CBFA2T3: variants seen among roughly 807,000 people sequenced by gnomAD.
CBFA2T3 encodes the protein transcriptional corepressor CBFA2T3.
Under a neutral mutation model 58.6 loss-of-function variants are expected in CBFA2T3, and 31 were observed. The observed-to-expected ratio is 0.53, with a 90% confidence interval of 0.40 to 0.71. The LOEUF (loss-of-function observed/expected upper bound fraction) is 0.71. CBFA2T3 is among the 30% of genes least tolerant of loss of function. CBFA2T3 has a pLI of 0.00. For synonymous variants in CBFA2T3, 531 were observed against 421.9 expected, an observed-to-expected ratio of 1.26 and a Z score of -3.17; for missense variants, 1,076 against 963.1, an observed-to-expected ratio of 1.12 and a Z score of -1.55.
At chr16:88,965,708 C>T (rs1400455997) in intron 1 of CBFA2T3, among the ~76,000 whole-genome samples, 1 of 152,206 alleles carries the variant, frequency 6.6e-6, no homozygotes, top group Non-Finnish European at 1.5e-5. Context: ...TGTTTGAAAA[C>T]CTCTCTAGTG....
chr16:88,951,977 C>T (rs771784607), intron 1 of CBFA2T3, among the ~76,000 whole-genome samples: 6 of 152,164 alleles, frequency 3.9e-5, no homozygotes, highest in African/African-American at 9.7e-5. Context: ...TTCTGTCACT[C>T]GCAGCTGCAG....
intron 1 of CBFA2T3, among the ~76,000 whole-genome samples, chr16:88,907,936 C>T (rs1184929951): frequency 3.3e-5 from 5 of 152,234 alleles, no homozygotes; most frequent in Admixed American, 6.5e-5. Context: ...AGGGTCTGGG[C>T]ATGCAGGAAC....
intron 1 of CBFA2T3, among the ~76,000 whole-genome samples, chr16:88,907,746 T>C (rs1970387075): frequency 6.6e-6 from 1 of 152,068 alleles, no homozygotes; most frequent in African/African-American, 2.4e-5. Context: ...TCCTTCTCAC[T>C]CCCCCTGCCC....
Position 88,876,284 on chromosome 16 carries a change from A to G in CBFA2T3, c.*692T>C. On this transcript the variant is annotated 3_prime_UTR_variant, in exon 12 of 12. Transcript: ENST00000268679. Reference sequence around the variant, plus strand: ...TTTACTTAAAGCCAAAGAGTTTAACATTACAGGAAAAAAAAATCTGAAACC... The same window carrying G: ...TTTACTTAAAGCCAAAGAGTTTAACGTTACAGGAAAAAAAAATCTGAAACC... 4.4e-6 allele frequency: 1 copy of G among 228,128 alleles called. No homozygotes were observed. The highest frequency in any genetic ancestry group is 8.7e-6 in the Non-Finnish European group (1 of 114,768). The allele number at this position is 228,128 out of a possible 1,614,324, so 14.1% of individuals were successfully genotyped here. A position where few individuals can be genotyped will look rare whatever the true frequency, so the allele number is the denominator to read the frequency against.
intron 1 of CBFA2T3, among the ~76,000 whole-genome samples, chr16:88,936,603 G>C (rs570874208): frequency 4.6e-5 from 7 of 152,368 alleles, no homozygotes; most frequent in Admixed American, 2.0e-4. Context: ...GTGGCTAAGC[G>C]GGCGGGAAAC....
At chr16:88,944,466 G>A (rs551440881) in intron 1 of CBFA2T3, among the ~76,000 whole-genome samples, 17 of 152,104 alleles carry the variant, frequency 1.1e-4, no homozygotes, top group African/African-American at 3.6e-4. Flanking sequence ...CTGGGAGACC[G>A]TGCCTGGCTC....
At chr16:88,908,921 T>G (rs1027366277) in intron 1 of CBFA2T3, among the ~76,000 whole-genome samples, 5 of 152,218 alleles carry the variant, frequency 3.3e-5, no homozygotes, top group African/African-American at 1.2e-4. Context: ...CCCGAAAGTC[T>G]AGAGGCTGTC....
intron 1 of CBFA2T3, among the ~76,000 whole-genome samples, chr16:88,914,397 C>T (rs556249529): frequency 6.6e-6 from 1 of 152,344 alleles, no homozygotes; most frequent in Admixed American, 6.5e-5. Flanking sequence ...TGCGAGCATA[C>T]ATTTAATTGC....
chr16:88,914,072 A>G (rs1567603927), intron 1 of CBFA2T3, among the ~76,000 whole-genome samples: 1 of 152,226 alleles, frequency 6.6e-6, no homozygotes, highest in Non-Finnish European at 1.5e-5. Context: ...AATGGAATAC[A>G]ATACAGCAAG....
In CBFA2T3 at chr16:88,892,431, G is replaced by T. The variant is rs1288251446; in HGVS notation, c.434C>A (p.Pro145His). ...PTAINGAPCT[P>H]NGFSNGPATS... ...GGCCGGGCCATTGCTGAAGCCGTTG[G>T]GTGTGCACGGTGCACCATTGATGGC... The change falls in exon 4 of 12, where the codon CCC becomes CAC. Residue 145 changes from proline (P) to histidine (H), a missense_variant. Pro to His is a moderately conservative substitution (Grantham distance 77, BLOSUM62 -2). Transcript: ENST00000268679. 1 of 1,613,530 alleles carries T rather than the reference G, an allele frequency of 6.2e-7. No individual in the cohort carries two copies. Among genetic ancestry groups the T allele is most frequent in the African/African-American group, 1.3e-5 (1 of 75,052 alleles).
In CBFA2T3 at chr16:88,885,387, G is replaced by A. The variant is rs1290989436; in HGVS notation, c.894-118C>T. 7.7e-6 allele frequency: 5 copies of A among 652,822 alleles called. No individual in the cohort carries two copies. Among genetic ancestry groups the A allele is most frequent in the Non-Finnish European group, 9.6e-6 (4 of 415,532 alleles). The allele number at this position is 652,822 out of a possible 1,614,324, so 40.4% of individuals were successfully genotyped here. ...AGAGAGAAAGAGGACACGTAAGGGC[G>A]AGACAGAAACACGGAGCAAAACACC... On this transcript the variant is annotated intron_variant, in intron 6 of 11. Coordinates refer to ENST00000268679, the MANE Select transcript of CBFA2T3 (RefSeq NM_005187.6). This position sits in a 1 kb window ranked among gnomAD's most constrained non-coding sequence, Gnocchi z 5.3.
intron 10 of CBFA2T3, among the ~76,000 whole-genome samples, chr16:88,880,509 C>T (rs757716702): frequency 7.9e-5 from 12 of 152,356 alleles, no homozygotes; most frequent in South Asian, 2.1e-4. Context: ...GCCACCGGTC[C>T]GTTTCCTGGT....
intron 1 of CBFA2T3, among the ~76,000 whole-genome samples, chr16:88,960,743 G>A (rs996054763): frequency 9.2e-5 from 14 of 152,160 alleles, no homozygotes; most frequent in African/African-American, 3.1e-4. Flanking sequence ...TGGGCCACCC[G>A]CCTCTGGGTT....
In CBFA2T3 at chr16:88,953,962, C is replaced by A. The variant is rs987403903; in HGVS notation, c.151+22695G>T. Among the ~76,000 whole-genome samples, 4 of 152,058 alleles carry A rather than the reference C, an allele frequency of 2.6e-5. No individual in the cohort carries two copies. Among genetic ancestry groups the A allele is most frequent in the Non-Finnish European group, 5.9e-5 (4 of 67,990 alleles). On this transcript the variant is annotated intron_variant, in intron 1 of 11. Coordinates refer to ENST00000268679, the MANE Select transcript of CBFA2T3 (RefSeq NM_005187.6). This position sits in a 1 kb window ranked among gnomAD's most constrained non-coding sequence, Gnocchi z 4.9. ...GCCCTGGGCAAATGAGGGCAGGCGG[C>A]CTCTAACAGCTGACACCATGTCAGG... is the stretch of plus-strand genomic sequence containing the variant.
intron 1 of CBFA2T3, among the ~76,000 whole-genome samples, chr16:88,951,767 G>A: frequency 6.6e-6 from 1 of 152,248 alleles, no homozygotes; most frequent in East Asian, 1.9e-4. Context: ...AACAAGAGAG[G>A]AAGGACCTCT....
At chr16:88,894,773 T>C (rs930863321) in intron 3 of CBFA2T3, among the ~76,000 whole-genome samples, 5 of 152,236 alleles carry the variant, frequency 3.3e-5, no homozygotes, top group African/African-American at 1.2e-4. Flanking sequence ...CAGGGCCGAA[T>C]TCCTCCGAGG....
At position 88,881,410 on chromosome 16, in the gene CBFA2T3, C is replaced by T. The variant is rs746047153; in HGVS notation, c.1283G>A (p.Arg428His). ...TVLRRCQEAD[R>H]EELNHWARRY... ...CCGCGCCCAGTGGTTGAGCTCCTCGCGGTCGGCCTCCTGGCACCTGCGCAG... is the reference window on the plus strand; with the variant it reads ...CCGCGCCCAGTGGTTGAGCTCCTCGTGGTCGGCCTCCTGGCACCTGCGCAG... The change falls in exon 9 of 12, where the codon CGC becomes CAC. Residue 428 changes from arginine (R) to histidine (H), a missense_variant. Coordinates refer to ENST00000268679, the MANE Select transcript of CBFA2T3 (RefSeq NM_005187.6). The T allele has an allele frequency of 8.1e-6, 13 of 1,607,154 alleles. No individual in the cohort carries two copies. Among genetic ancestry groups the T allele is most frequent in the Admixed American group, 3.4e-5 (2 of 59,598 alleles).
At chr16:88,921,065 C>A (rs1417069187) in intron 1 of CBFA2T3, among the ~76,000 whole-genome samples, 1 of 152,260 alleles carries the variant, frequency 6.6e-6, no homozygotes, top group African/African-American at 2.4e-5. Flanking sequence ...TCCGCCCCCA[C>A]CCTGGGCCTT....
At chr16:88,942,540 G>A (rs74683428) in intron 1 of CBFA2T3, among the ~76,000 whole-genome samples, 2,062 of 152,264 alleles carry the variant, frequency 0.014, 46 homozygotes, top group African/African-American at 0.045. Flanking sequence ...CATGGACTTG[G>A]CTCTACCCAC....
Sources: gnomAD v4.1 joint callset for allele counts (sites outside exome capture counted in the v4.1 genomes callset) on GRCh38, gnomAD v4.1.1 for gene constraint, Gnocchi (gnomAD v3.1) non-coding constraint, MANE v1.5 for transcripts, NCBI Gene and HGNC (gene_info 2026-07-23, HGNC 2026-07-21) for gene names.